Variants in MZT2A observed in about 807,000 individuals in gnomAD.
The protein encoded by MZT2A is mitotic spindle organizing protein 2A, also known as mitotic-spindle organizing protein 2A.
In MZT2A, 8 loss-of-function variants were observed where a neutral mutation model predicts 12.4. The ratio of observed to expected loss-of-function variants is 0.64; its 90% CI spans 0.38 to 1.16. The LOEUF is 1.16. MZT2A is among the 50% of genes most tolerant of loss of function. The probability of loss-of-function intolerance (pLI) is 0.01; values close to 1 mark genes in which losing one functional copy is unlikely to be tolerated. For missense variants in MZT2A, 181 were observed against 223.6 expected, an observed-to-expected ratio of 0.81 and a Z score of 1.22; for synonymous variants, 88 against 107.5, an observed-to-expected ratio of 0.82 and a Z score of 1.12.
intron 1 of MZT2A, 84 bp downstream of exon 1, chr2:131,492,123 C>T: frequency 6.5e-7 from 1 of 1,548,192 alleles, no homozygotes; most frequent in Non-Finnish European, 8.7e-7. Flanking sequence ...GCGGGGGCTC[C>T]TCCCGACCAG....
chr2:131,471,029 G>A (rs1229007953), intron 3 of MZT2A, among the ~76,000 whole-genome samples: 1 of 139,730 alleles, frequency 7.2e-6, no homozygotes, highest in Non-Finnish European at 1.5e-5. Context: ...TGATGACCCT[G>A]ACCTCCCTGC....
intron 3 of MZT2A, among the ~76,000 whole-genome samples, chr2:131,471,443 CAAAAAAAAAAAAAAG>C (rs1156843385): frequency 6.7e-5 from 4 of 59,358 alleles, no homozygotes; most frequent in Non-Finnish European, 9.9e-5. Context: ...GACTCTGTCT[CAAAAAAAAAAAAAAG>C]AAAAAAAGAA....
At chr2:131,477,958 T>C (rs1559346619) in intron 2 of MZT2A, among the ~76,000 whole-genome samples, 2 of 152,184 alleles carry the variant, frequency 1.3e-5, no homozygotes, top group Non-Finnish European at 2.9e-5. Context: ...TAGGGCTACC[T>C]CTAGAACTTA....
chr2:131,483,113 C>T (rs1678917275), downstream of MZT2A, among the ~76,000 whole-genome samples: 1 of 152,150 alleles, frequency 6.6e-6, no homozygotes, highest in Non-Finnish European at 1.5e-5. Context: ...AGTGTTTCTT[C>T]AAAGCCAGGT....
At chr2:131,492,783 G>C (rs540945861), upstream of MZT2A, 45 of 1,342,070 alleles carry the variant, frequency 3.4e-5, no homozygotes, top group African/African-American at 4.8e-5. Flanking sequence ...TCGCTCTTCG[G>C]GGGGGGTGGG....
upstream of MZT2A, chr2:131,492,860 C>T (rs1377678647): frequency 2.7e-6 from 4 of 1,492,958 alleles, no homozygotes; most frequent in African/African-American, 5.6e-5. Flanking sequence ...TGCGTGAGCC[C>T]TACCTTGGGG....
intron 2 of MZT2A, chr2:131,490,676 G>C: frequency 1.3e-6 from 2 of 1,549,430 alleles, no homozygotes; most frequent in East Asian, 2.4e-5. Context: ...AAACAAGGAA[G>C]AGCACCAACC....
Position 131,491,947 on chromosome 2 carries a change from T to C in MZT2A, c.248A>G (p.Gln83Arg). 2.6e-6 allele frequency: 4 copies of C among 1,542,142 alleles called. No individual in the cohort carries two copies. Among genetic ancestry groups the C allele is most frequent in the Non-Finnish European group, 3.5e-6 (4 of 1,141,532 alleles). Residue 83 changes from glutamine to arginine, a missense_variant, in exon 2 of 3, where the codon CAG becomes CGG. Gln to Arg is a conservative substitution (Grantham distance 43, BLOSUM62 1). This residue lies in a region of MZT2A where 106 missense variants were observed against 127.2 expected (regional missense o/e 0.83). Coordinates refer to ENST00000309451, the MANE Select transcript of MZT2A (RefSeq NM_001085365.2). Reference protein sequence around the residue: ...FQMLKSMCAGQRLASEPQDPA... With the variant: ...FQMLKSMCAGRRLASEPQDPA... ...GTCCTGGGGCTCGCTCGCTAGCCTC[T>C]GCCCGGCACACATGGACTTGAGCAT...
intron 2 of MZT2A, among the ~76,000 whole-genome samples, chr2:131,475,319 CTTTTTTT>C (rs551443616): frequency 0.019 from 1,783 of 94,504 alleles, 37 homozygotes; most frequent in African/African-American, 0.059. Context: ...TCCTTTCTTC[CTTTTTTT>C]TTTTTTTTTT....
chr2:131,492,703 G>C (rs1314958727), upstream of MZT2A: 2 of 1,273,486 alleles, frequency 1.6e-6, no homozygotes, highest in African/African-American at 1.5e-5. Flanking sequence ...GGCATACATT[G>C]GGCGCTCAGT....
intron 2 of MZT2A, chr2:131,491,056 G>T (rs1679275855): frequency 8.9e-7 from 1 of 1,124,278 alleles, no homozygotes; most frequent in Non-Finnish European, 1.3e-6. Flanking sequence ...CATGATGCCT[G>T]TGAGGGTCTC....
chr2:131,479,568 G>C, downstream of MZT2A: 4 of 1,460,196 alleles, frequency 2.7e-6, no homozygotes, highest in Non-Finnish European at 2.8e-6. Flanking sequence ...GGCCGGGCGC[G>C]GTGGCTCACA....
chr2:131,492,789 G>A, upstream of MZT2A: 2 of 1,345,030 alleles, frequency 1.5e-6, no homozygotes, highest in East Asian at 4.2e-5. Flanking sequence ...TTCGGGGGGG[G>A]TGGGGGGCAC....
At chr2:131,492,747 G>A (rs1679394995), upstream of MZT2A, 2 of 1,300,302 alleles carry the variant, frequency 1.5e-6, no homozygotes, top group Non-Finnish European at 2.0e-6. Flanking sequence ...GCAATTTTCT[G>A]GTCCGCACCG....
At chr2:131,491,849 G>A (rs1440273569) in intron 2 of MZT2A, 27 bp downstream of exon 2, 8 of 1,402,018 alleles carry the variant, frequency 5.7e-6, no homozygotes, top group Admixed American at 4.8e-5. Context: ...CCGCCACTGG[G>A]GCAGGGACAG....
intron 2 of MZT2A, among the ~76,000 whole-genome samples, chr2:131,485,633 C>A (rs1315558884): frequency 1.3e-5 from 2 of 152,160 alleles, no homozygotes; most frequent in Non-Finnish European, 2.9e-5. Flanking sequence ...TTGGGGCAGT[C>A]CCGTGTGGGA....
downstream of MZT2A, among the ~76,000 whole-genome samples, chr2:131,481,095 G>T (rs1452808322): frequency 2.6e-5 from 4 of 151,736 alleles, no homozygotes; most frequent in Non-Finnish European, 5.9e-5. Context: ...GTAGAGATGG[G>T]GTTTCGCCAT....
intron 2 of MZT2A, chr2:131,486,675 G>A (rs1206585275): frequency 6.6e-6 from 1 of 151,722 alleles, no homozygotes; most frequent in East Asian, 1.9e-4. Context: ...ACCTGGTCTA[G>A]AGCACAGTGA....
At chr2:131,479,448 C>T (rs374982894), downstream of MZT2A, 28 of 1,613,928 alleles carry the variant, frequency 1.7e-5, no homozygotes, top group South Asian at 1.1e-4. Flanking sequence ...GGACCGGATC[C>T]GCAAACTGGT....
Sources: allele counts gnomAD v4.1 joint callset (sites outside exome capture counted in the v4.1 genomes callset), GRCh38; gene constraint gnomAD v4.1.1; regional missense constraint gnomAD v4.1.1; transcripts MANE v1.5; gene names NCBI Gene and HGNC (gene_info 2026-07-23, HGNC 2026-07-21).